HMCN2: variants seen among roughly 807,000 people sequenced by gnomAD.
HMCN2 encodes the protein hemicentin-2.
A neutral mutation model predicts 377.5 loss-of-function variants in HMCN2; 325 were observed. The observed-to-expected ratio is 0.86, with a 90% CI of 0.79 to 0.94. The LOEUF is 0.94. Among genes scored for constraint, HMCN2 ranks in the 40% least tolerant of loss-of-function variants. HMCN2 has a pLI of 0.00. For synonymous variants in HMCN2, 2,007 were observed against 2,046.8 expected, an observed-to-expected ratio of 0.98 and a Z score of 0.53; for missense variants, 4,543 against 4,725.3, an observed-to-expected ratio of 0.96 and a Z score of 1.13.
Position 130,375,857 on chromosome 9 carries a change from G to T in HMCN2, c.7805-19G>T. 8 of 985,272 alleles carry T rather than the reference G, an allele frequency of 8.1e-6. No homozygotes were observed. The highest frequency in any genetic ancestry group is 4.7e-5 in the South Asian group (1 of 21,260). The allele number at this position is 985,272 out of a possible 1,614,324, so 61.0% of individuals were successfully genotyped here. A position where few individuals can be genotyped will look rare whatever the true frequency, so the allele number is the denominator to read the frequency against. On this transcript the variant is annotated intron_variant, in intron 50 of 97. Transcript: ENST00000683500. ...AGGCTGCAGATTTGGGGTGACCCTGGCCACTGGCCCCCACACAGGTACCCA... is the reference window on the plus strand; with the variant it reads ...AGGCTGCAGATTTGGGGTGACCCTGTCCACTGGCCCCCACACAGGTACCCA...
At chr9:130,307,215 A>G (rs1554937144) in intron 13 of HMCN2, among the ~76,000 whole-genome samples, 2 of 152,052 alleles carry the variant, frequency 1.3e-5, no homozygotes, top group African/African-American at 4.8e-5. Context: ...AGCGGCTGTC[A>G]TGCCCAGGAC....
At chr9:130,359,885 G>C (rs1385266411) in intron 37 of HMCN2, among the ~76,000 whole-genome samples, 2 of 152,138 alleles carry the variant, frequency 1.3e-5, no homozygotes, top group African/African-American at 4.8e-5. Context: ...GTGAGCCCTG[G>C]GGATATTTGC....
intron 3 of HMCN2, among the ~76,000 whole-genome samples, 196 bp downstream of exon 3, chr9:130,285,512 C>G (rs1835372438): frequency 1.3e-5 from 2 of 152,366 alleles, no homozygotes; most frequent in African/African-American, 4.8e-5. Flanking sequence ...AGTGTGCTCT[C>G]ATGCTGTAGG....
Position 130,425,697 on chromosome 9 carries a change from A to G in HMCN2, c.13652A>G (p.Glu4551Gly). The change falls in exon 90 of 98, where the codon GAG (glutamate) becomes GGG (glycine). Residue 4551 changes from glutamate to glycine, a missense_variant. This residue lies in a region of HMCN2 where 1,155 missense variants were observed against 1,157.7 expected (regional missense o/e 1.00). Transcript: ENST00000683500. ...CTCTTCATCCTGCAGGACTTTGAGG[A>G]GCACTACGTGCAAACAGGGCCTGGC... ...DADLQVQDFE[E>G]HYVQTGPGQL... is the part of the protein sequence containing the mutation. 6.7e-7 allele frequency: 1 copy of G among 1,495,486 alleles called. No individual in the cohort carries two copies. The highest frequency in any genetic ancestry group is 8.9e-7 in the Non-Finnish European group (1 of 1,118,636). The allele number at this position is 1,495,486 out of a possible 1,614,324, so 92.6% of individuals were successfully genotyped here.
At chr9:130,333,319 G>A (rs1321655017) in intron 22 of HMCN2, among the ~76,000 whole-genome samples, 5 of 152,156 alleles carry the variant, frequency 3.3e-5, no homozygotes, top group Admixed American at 6.5e-5. Flanking sequence ...TTCCCTGAGT[G>A]CAGCAAAGGT....
At chr9:130,429,429 G>A in intron 93 of HMCN2, 128 bp from the exon 94 acceptor site, 1 of 1,226,764 alleles carries the variant, frequency 8.2e-7, no homozygotes, top group Non-Finnish European at 1.1e-6. Flanking sequence ...CGGCCATGCA[G>A]CCTGGTGGCA....
chr9:130,414,092 A>G lies in HMCN2; in HGVS notation c.12961+3440A>G, dbSNP rs755759347. 6.6e-6 allele frequency among the ~76,000 whole-genome samples: 1 copy of G among 151,688 alleles called. No individual in the cohort carries two copies. The highest frequency in any genetic ancestry group is 1.5e-5 in the Non-Finnish European group (1 of 68,002). On this transcript the variant is annotated intron_variant, in intron 85 of 97. Transcript: ENST00000683500. This position sits in a 1 kb window ranked among gnomAD's most constrained non-coding sequence, Gnocchi z 4.4. ...TGAAAAACACCCCTGCCCCATCATC[A>G]CACCAACTGGGAGCCTCTAACTTCC...
At chr9:130,367,500 ATCC>A (rs1463816648) in intron 43 of HMCN2, among the ~76,000 whole-genome samples, 1 of 152,090 alleles carries the variant, frequency 6.6e-6, no homozygotes, top group Admixed American at 6.5e-5. Context: ...AGGTTGACAA[ATCC>A]TCTTCCTCCA....
At chr9:130,433,169 A>C (rs1310663041) in intron 97 of HMCN2, 179 bp from the exon 98 acceptor site, 5 of 509,666 alleles carry the variant, frequency 9.8e-6, no homozygotes, top group Non-Finnish European at 1.7e-5. Context: ...AGTTTGTTGA[A>C]CTCTAAAACG....
chr9:130,407,264 A>C (rs1843146904), intron 82 of HMCN2: 1 of 174,068 alleles, frequency 5.7e-6, no homozygotes, highest in African/African-American at 2.4e-5. Flanking sequence ...AAAAAAAAAA[A>C]GAAACCTTCT....
Position 130,394,389 on chromosome 9 carries a change from C to T in HMCN2, c.10506C>T (p.Pro3502=), listed in dbSNP as rs772061405. The T allele has an allele frequency of 7.8e-7, 1 of 1,289,140 alleles. No homozygotes were observed. The highest frequency in any genetic ancestry group is 5.6e-5 in the East Asian group (1 of 18,014). 79.9% of individuals were successfully genotyped at this position (1,289,140 alleles called of 1,614,324 possible). ...CCCCTCCATGGTGGCTTGCAGAGCC[C>T]CCTCACATTGAGGACTCAGGCCAGC... The part of the protein sequence containing the change: ...RRHFQLTVME[P]PHIEDSGQPT... The change falls in exon 69 of 98, where the codon CCC becomes CCT. Residue 3502 remains proline, a synonymous_variant. Transcript: ENST00000683500. The surrounding 1 kb of genome is among the most constrained non-coding windows in gnomAD (Gnocchi z 5.1).
intron 1 of HMCN2, among the ~76,000 whole-genome samples, chr9:130,278,273 C>G (rs1159217762): frequency 6.6e-6 from 1 of 151,968 alleles, no homozygotes; most frequent in Non-Finnish European, 1.5e-5. Context: ...TACAGGCGCC[C>G]ACCACCACGC....
At position 130,422,702 on chromosome 9, in the gene HMCN2, A is replaced by G; in HGVS notation, c.13357A>G (p.Ile4453Val). The G allele has an allele frequency of 2.3e-6, 3 of 1,285,992 alleles. No homozygotes were observed. The highest frequency in any genetic ancestry group is 3.0e-6 in the Non-Finnish European group (3 of 1,007,864). The allele number at this position is 1,285,992 out of a possible 1,614,324, so 79.7% of individuals were successfully genotyped here. A position where few individuals can be genotyped will look rare whatever the true frequency, so the allele number is the denominator to read the frequency against. The stretch of plus-strand genomic sequence containing the variant: ...CGGGGTCAGCAGCATCCACAGCAGC[A>G]TCCGCCATGTCCCAGCAAACGTGGG... ...HSGVSSIHSS[I>V]RHVPANVGPL... The change falls in exon 87 of 98, where the codon ATC (isoleucine) becomes GTC (valine). Residue 4453 changes from isoleucine to valine, a missense_variant. Around this residue, in one of 5 missense-constraint regions of HMCN2, gnomAD observed 1,155 missense variants for 1,157.7 expected, o/e 1.00. Transcript: ENST00000683500. This position sits in a 1 kb window ranked among gnomAD's most constrained non-coding sequence, Gnocchi z 4.2.
At chr9:130,386,843 G>C (rs7854594) in intron 61 of HMCN2, among the ~76,000 whole-genome samples, 1 of 152,180 alleles carries the variant, frequency 6.6e-6, no homozygotes, top group African/African-American at 2.4e-5. Context: ...AGGTTAGCAG[G>C]CTCCAAATAG....
intron 15 of HMCN2, among the ~76,000 whole-genome samples, chr9:130,313,946 AT>A (rs1257957182): frequency 1.3e-5 from 2 of 151,318 alleles, no homozygotes; most frequent in Middle Eastern, 3.2e-3. Context: ...TTCCCGGCTG[AT>A]TTTTGTATTT....
intron 52 of HMCN2, among the ~76,000 whole-genome samples, chr9:130,377,176 C>T (rs920424293): frequency 1.3e-5 from 2 of 151,760 alleles, no homozygotes; most frequent in African/African-American, 2.4e-5. Flanking sequence ...TACAGTGGCA[C>T]GATCTTGGCT....
At position 130,393,851 on chromosome 9, in the gene HMCN2, G is replaced by T; in HGVS notation, c.10344G>T (p.Ser3448=). 1 of 1,289,658 alleles carries T rather than the reference G, an allele frequency of 7.8e-7. No individual in the cohort carries two copies. The highest frequency in any genetic ancestry group is 1.0e-6 in the Non-Finnish European group (1 of 988,790). The allele number at this position is 1,289,658 out of a possible 1,614,324, so 79.9% of individuals were successfully genotyped here. The change falls in exon 68 of 98, where the codon TCG becomes TCT. Residue 3448 remains serine (S), a synonymous_variant. Transcript: ENST00000683500. This position sits in a 1 kb window ranked among gnomAD's most constrained non-coding sequence, Gnocchi z 5.2. ...EARGVPLPLV[S]WMKDGEPLLS... ...GGGGCGTTCCCCTGCCTCTCGTGTC[G>T]TGGATGAAGGATGGGGAACCCTTGT...
At chr9:130,287,960 C>T (rs764434171) in intron 4 of HMCN2, among the ~76,000 whole-genome samples, 1 of 152,184 alleles carries the variant, frequency 6.6e-6, no homozygotes, top group African/African-American at 2.4e-5. Context: ...GCCTTAACTC[C>T]CTGTTGACAG....
Position 130,349,101 on chromosome 9 carries a change from G to A in HMCN2, c.4273G>A (p.Ala1425Thr), listed in dbSNP as rs777596730. The change falls in exon 28 of 98, where the codon GCC (alanine) becomes ACC (threonine). Residue 1425 changes from alanine to threonine, a missense_variant. Transcript: ENST00000683500. ...CCGGGCAGAGAACCAGGCTGGCACC[G>A]CCCAGAGGGACTTCCATCTCCTTGT... is the stretch of plus-strand genomic sequence containing the variant. Reference protein sequence around the residue: ...SCRAENQAGTAQRDFHLLVLT... With the variant: ...SCRAENQAGTTQRDFHLLVLT... The A allele has an allele frequency of 6.1e-6, 8 of 1,304,048 alleles. No individual in the cohort carries two copies. The highest frequency in any genetic ancestry group is 4.6e-5 in the Admixed American group (2 of 43,542). The allele number at this position is 1,304,048 out of a possible 1,614,324, so 80.8% of individuals were successfully genotyped here.
Sources: gnomAD v4.1 joint callset for allele counts (sites outside exome capture counted in the v4.1 genomes callset) on GRCh38, gnomAD v4.1.1 for gene constraint, gnomAD v4.1.1 regional missense constraint, Gnocchi (gnomAD v3.1) non-coding constraint, MANE v1.5 for transcripts, NCBI Gene and HGNC (gene_info 2026-07-23, HGNC 2026-07-21) for gene names.